The following LARP4 variants were observed in gnomAD, a reference collection of about 807,000 sequenced individuals.
The protein encoded by LARP4 is La ribonucleoprotein 4.
LARP4 carries 29 observed loss-of-function variants against 92.9 expected under a neutral mutation model. The observed-to-expected ratio is 0.31, with a 90% CI of 0.23 to 0.43. The LOEUF is 0.43. Among genes scored for constraint, LARP4 ranks in the 20% least tolerant of loss-of-function variants. The pLI is 1.00. For missense variants in LARP4, 732 were observed against 860.0 expected (o/e 0.85, Z 1.86); for synonymous variants, 279 against 284.1 (o/e 0.98, Z 0.18).
rs774548049 is a variant in LARP4, at chr12:50,426,684, G to GGGGT, written c.19-1077_19-1076insGGTG. Among the ~76,000 whole-genome samples the GGGGT allele has an allele frequency of 7.7e-3, 667 of 86,194 alleles. 10 individuals are homozygous for GGGGT. The highest frequency in any genetic ancestry group is 0.016 in the African/African-American group (327 of 20,054). The allele number at this position is 86,194 out of a possible 152,430, so 56.5% of individuals were successfully genotyped here. A position where few individuals can be genotyped will look rare whatever the true frequency, so the allele number is the denominator to read the frequency against. On this transcript the variant is annotated intron_variant, in intron 1 of 15. Transcript: ENST00000398473. ...GCATGGAACAGGGCATTATGTTTGG[G>GGGGT]GTGTGTGTGTGTGTGTGTGTGTGTG...
At chr12:50,424,055 G>A (rs1051375249) in intron 1 of LARP4, among the ~76,000 whole-genome samples, 4 of 152,028 alleles carry the variant, frequency 2.6e-5, no homozygotes, top group African/African-American at 9.7e-5. Context: ...CACTGCACCC[G>A]GCCATGTAAT....
intron 14 of LARP4, 53 bp from the exon 15 acceptor site, chr12:50,473,946 C>T: frequency 6.7e-7 from 1 of 1,485,006 alleles, no homozygotes; most frequent in African/African-American, 1.4e-5. Context: ...ATTAGTTGCT[C>T]AACTGTTCCT....
At position 50,475,726 on chromosome 12, in the gene LARP4, C is replaced by T; in HGVS notation, c.2037C>T (p.Phe679=). 2 of 1,614,096 alleles carry T rather than the reference C, an allele frequency of 1.2e-6. No individual in the cohort carries two copies. Among genetic ancestry groups the T allele is most frequent in the Non-Finnish European group, 1.7e-6 (2 of 1,180,034 alleles). The change falls in exon 16 of 16, where the codon TTC becomes TTT. Residue 679 remains phenylalanine, a synonymous_variant. Transcript: ENST00000398473. ...EARASKDYSG[F]RGNIIPRGAA... is the part of the protein sequence containing the mutation. ...GGGCTAGTAAGGATTATTCTGGCTT[C>T]CGAGGCAATATAATCCCCAGGGGAG... is the stretch of plus-strand genomic sequence containing the variant.
At chr12:50,428,763 A>ATAAG (rs1352896020) in intron 2 of LARP4, among the ~76,000 whole-genome samples, 172 bp from the exon 3 acceptor site, 1 of 152,196 alleles carries the variant, frequency 6.6e-6, no homozygotes, top group Admixed American at 6.5e-5. Flanking sequence ...TTTATCTGTA[A>ATAAG]TTGTCAAAAC....
intron 10 of LARP4, among the ~76,000 whole-genome samples, chr12:50,460,402 G>A (rs1183217108): frequency 1.3e-5 from 2 of 152,086 alleles, no homozygotes; most frequent in Non-Finnish European, 2.9e-5. Flanking sequence ...ATCATAGCTC[G>A]CTGCAGCCTC....
At chr12:50,471,899 C>T (rs1003935885) in intron 13 of LARP4, among the ~76,000 whole-genome samples, 2 of 152,144 alleles carry the variant, frequency 1.3e-5, no homozygotes, top group Non-Finnish European at 1.5e-5. Context: ...GTCAGTTACA[C>T]GTAGTAGAAA....
At chr12:50,417,314 G>A (rs1480481179) in intron 1 of LARP4, among the ~76,000 whole-genome samples, 2 of 151,454 alleles carry the variant, frequency 1.3e-5, no homozygotes, top group Non-Finnish European at 2.9e-5. Flanking sequence ...GACAGAGGAT[G>A]CAGTGAGCCG....
At chr12:50,401,193 G>A in intron 1 of LARP4, 165 bp downstream of exon 1, 2 of 751,032 alleles carry the variant, frequency 2.7e-6, no homozygotes, top group East Asian at 2.5e-5. Context: ...CCCTCTGCGC[G>A]CTCACAACAC....
Position 50,433,787 on chromosome 12 carries a change from G to C in LARP4, c.399-1701G>C, listed in dbSNP as rs149989817. ...CCCAAGTAGCTGGGAGTACGGGCACGCACAACCGTGCCTGGCTAAGTTTTG... is the reference window on the plus strand; with the variant it reads ...CCCAAGTAGCTGGGAGTACGGGCACCCACAACCGTGCCTGGCTAAGTTTTG... On this transcript the variant is annotated intron_variant, in intron 4 of 15. Transcript: ENST00000398473. Among the ~76,000 whole-genome samples the C allele has an allele frequency of 3.3e-5, 5 of 152,078 alleles. No individual in the cohort carries two copies. In the East Asian group the frequency reaches 9.7e-4, roughly 29 times the overall value.
At chr12:50,426,633 T>C (rs980754148) in intron 1 of LARP4, among the ~76,000 whole-genome samples, 1 of 149,014 alleles carries the variant, frequency 6.7e-6, no homozygotes, top group Non-Finnish European at 1.5e-5. Flanking sequence ...GCTCAGCCCC[T>C]GCTCTCAAGA....
intron 10 of LARP4, among the ~76,000 whole-genome samples, chr12:50,459,369 T>A (rs1355258114): frequency 6.6e-6 from 1 of 152,222 alleles, no homozygotes; most frequent in South Asian, 2.1e-4. Context: ...ACAGCCTTTT[T>A]AGGCATTTTC....
intron 1 of LARP4, among the ~76,000 whole-genome samples, chr12:50,412,620 T>A (rs1390467368): frequency 6.6e-6 from 1 of 152,316 alleles, no homozygotes; most frequent in Non-Finnish European, 1.5e-5. Flanking sequence ...TTCATTTTTA[T>A]CTCTCTGAAG....
rs1957469444 is a variant in LARP4, at chr12:50,475,669, C to T, written c.1980C>T (p.Ser660=). The change falls in exon 16 of 16, where the codon TCC becomes TCT. Residue 660 remains serine, a synonymous_variant. Coordinates refer to ENST00000398473, the MANE Select transcript of LARP4 (RefSeq NM_052879.5). ...KNEDNGAPEN[S]VEKPHEKPEA... ...AAGACAATGGAGCTCCTGAGAACTCCGTTGAGAAACCACATGAGAAGCCAG... is the reference window on the plus strand; with the variant it reads ...AAGACAATGGAGCTCCTGAGAACTCTGTTGAGAAACCACATGAGAAGCCAG... 6 of 1,613,920 alleles carry T rather than the reference C, an allele frequency of 3.7e-6. No individual in the cohort carries two copies. Among genetic ancestry groups the T allele is most frequent in the South Asian group, 2.2e-5 (2 of 91,072 alleles).
chr12:50,436,150 G>T (rs376213148), intron 5 of LARP4, among the ~76,000 whole-genome samples: 1 of 121,192 alleles, frequency 8.3e-6, no homozygotes, highest in Admixed American at 9.6e-5. Context: ...TATATATCCC[G>T]CTGGGGTGTG....
intron 1 of LARP4, among the ~76,000 whole-genome samples, chr12:50,422,569 G>A (rs1042019482): frequency 6.6e-6 from 1 of 151,920 alleles, no homozygotes; most frequent in African/African-American, 2.4e-5. Flanking sequence ...GTTATAAGAT[G>A]TGTTAATGTG....
intron 4 of LARP4, among the ~76,000 whole-genome samples, chr12:50,431,504 TA>T (rs1380337976): frequency 6.6e-6 from 1 of 152,204 alleles, no homozygotes; most frequent in African/African-American, 2.4e-5. Context: ...TGTCTTCTCT[TA>T]AATAAGGAAT....
intron 8 of LARP4, among the ~76,000 whole-genome samples, chr12:50,448,116 C>T (rs1952527256): frequency 1.3e-5 from 2 of 152,148 alleles, no homozygotes; most frequent in Admixed American, 6.5e-5. Flanking sequence ...CCACGCGCCT[C>T]GGCCTTCCAA....
intron 13 of LARP4, among the ~76,000 whole-genome samples, chr12:50,471,053 C>A (rs1223814970): frequency 6.6e-6 from 1 of 152,106 alleles, no homozygotes; most frequent in Non-Finnish European, 1.5e-5. Context: ...CTTCGGGAGG[C>A]TGAGGTGGGA....
chr12:50,441,420 G>C (rs1951186968), intron 7 of LARP4, 170 bp from the exon 8 acceptor site: 3 of 473,308 alleles, frequency 6.3e-6, no homozygotes, highest in Non-Finnish European at 1.1e-5. Flanking sequence ...TATGAACTGT[G>C]ATTGAGAAGG....
Sources: allele counts gnomAD v4.1 joint callset (sites outside exome capture counted in the v4.1 genomes callset), GRCh38; gene constraint gnomAD v4.1.1; transcripts MANE v1.5; gene names NCBI Gene and HGNC (gene_info 2026-07-23, HGNC 2026-07-21).